Variants in SLC25A28 observed in about 807,000 individuals in gnomAD.
SLC25A28 encodes the protein mitoferrin-2.
A neutral mutation model predicts 31.9 loss-of-function variants in SLC25A28; 10 were observed. That is an observed-to-expected ratio of 0.31 (90% CI 0.19 to 0.53). SLC25A28 has a LOEUF of 0.53. Ranked by LOEUF, SLC25A28 falls within the 20% of genes least tolerant of loss-of-function variation. SLC25A28 has a pLI of 0.95. For synonymous variants in SLC25A28, 208 were observed against 203.6 expected (o/e 1.02, Z -0.19); for missense variants, 256 against 490.3 (o/e 0.52, Z 4.51).
At chr10:99,646,323 G>A in the SLC25A28 span, among the ~76,000 whole-genome samples, 154 of 152,346 alleles carry the variant, frequency 1.0e-3, no homozygotes, top group African/African-American at 3.2e-3. Flanking sequence ...TGTGCTAGCA[G>A]TGAGCAAGGC....
the SLC25A28 span, among the ~76,000 whole-genome samples, chr10:99,631,625 C>T: frequency 6.6e-6 from 1 of 152,082 alleles, no homozygotes; most frequent in South Asian, 2.1e-4. Flanking sequence ...AGCCTCATCT[C>T]TTGACTCATC....
In SLC25A28 at chr10:99,613,171, T is replaced by C. The variant is rs1235434254; in HGVS notation, c.520+525A>G. 6.6e-6 allele frequency among the ~76,000 whole-genome samples: 1 copy of C among 152,134 alleles called. No homozygotes were observed. The highest frequency in any genetic ancestry group is 1.5e-5 in the Non-Finnish European group (1 of 68,024). ...CCTTTCTCTTACTTCCACACAACCT[T>C]CTGGTTTCTTCATGCAGTTCCTTGG... On this transcript the variant is annotated intron_variant, in intron 2 of 3. Transcript: ENST00000370495. The surrounding 1 kb of genome is among the most constrained non-coding windows in gnomAD (Gnocchi z 4.9).
the SLC25A28 span, among the ~76,000 whole-genome samples, chr10:99,657,534 G>A: frequency 6.6e-6 from 1 of 152,092 alleles, no homozygotes; most frequent in African/African-American, 2.4e-5. Flanking sequence ...AATTGAAGAA[G>A]AAAGGCAAAT....
At chr10:99,619,296 C>T in intron 1 of SLC25A28, 1 of 985,298 alleles carries the variant, frequency 1.0e-6, no homozygotes, top group Non-Finnish European at 1.2e-6. Context: ...CCCTTTTTGC[C>T]AACTTCAGGT....
At chr10:99,618,330 C>A (rs1565022549) in intron 1 of SLC25A28, 1 of 984,858 alleles carries the variant, frequency 1.0e-6, no homozygotes, top group East Asian at 1.1e-4. Context: ...AATTATTACA[C>A]TGTATTTTTC....
At chr10:99,633,905 C>A in the SLC25A28 span, among the ~76,000 whole-genome samples, 2 of 152,136 alleles carry the variant, frequency 1.3e-5, no homozygotes, top group African/African-American at 4.8e-5. Flanking sequence ...CATTTCACCC[C>A]CCTGCCACCT....
the SLC25A28 span, among the ~76,000 whole-genome samples, chr10:99,646,834 C>T: frequency 2.0e-5 from 3 of 152,212 alleles, no homozygotes; most frequent in South Asian, 4.1e-4. Context: ...TACCCTCCCA[C>T]CTTCTGTAGT....
chr10:99,622,927 C>T (rs998997557), upstream of SLC25A28, among the ~76,000 whole-genome samples: 8 of 151,750 alleles, frequency 5.3e-5, no homozygotes, highest in Non-Finnish European at 1.0e-4. Flanking sequence ...TCCATGTTCT[C>T]ATGGAGCTTT....
rs746352459 is a variant in SLC25A28 at position 99,613,932 on chromosome 10, T to C, written c.292-8A>G. 6.3e-7 allele frequency: 1 copy of C among 1,593,114 alleles called. No homozygotes were observed. The highest frequency in any genetic ancestry group is 2.2e-5 in the East Asian group (1 of 44,456). On this transcript the variant is annotated splice_polypyrimidine_tract_variant and splice_region_variant and intron_variant, in intron 1 of 3. Coordinates refer to ENST00000370495, the MANE Select transcript of SLC25A28 (RefSeq NM_031212.4). The surrounding 1 kb of genome is among the most constrained non-coding windows in gnomAD (Gnocchi z 4.9). ...TAGACTCTGCATCCGGGTCTGAAAT[T>C]ACAGCAAGGAGAAGCGCAATGTCAG... is the stretch of plus-strand genomic sequence containing the variant.
intron 1 of SLC25A28, 98 bp downstream of exon 1, chr10:99,619,947 C>G: frequency 7.8e-7 from 1 of 1,279,792 alleles, no homozygotes; most frequent in Admixed American, 2.9e-5. Flanking sequence ...GGAAGGAACC[C>G]ATGTCGGCTC....
At chr10:99,622,411 G>T (rs1285943927), upstream of SLC25A28, among the ~76,000 whole-genome samples, 1 of 152,162 alleles carries the variant, frequency 6.6e-6, no homozygotes, top group Admixed American at 6.5e-5. Flanking sequence ...CTTGAGAAAT[G>T]AATAGGTCTC....
chr10:99,658,421 C>T, the SLC25A28 span, among the ~76,000 whole-genome samples: 1 of 152,204 alleles, frequency 6.6e-6, no homozygotes, highest in Non-Finnish European at 1.5e-5. Flanking sequence ...CAAATAGTCC[C>T]TGCCTTCAAG....
the SLC25A28 span, among the ~76,000 whole-genome samples, chr10:99,648,739 G>T: frequency 2.4e-5 from 2 of 82,248 alleles, no homozygotes; most frequent in Admixed American, 1.4e-4. Context: ...TTTTTGATTT[G>T]GTCATCAGCT....
At chr10:99,632,586 A>G in the SLC25A28 span, among the ~76,000 whole-genome samples, 4 of 152,234 alleles carry the variant, frequency 2.6e-5, no homozygotes, top group East Asian at 7.7e-4. Context: ...TTTTTCCTTT[A>G]TATCTGTCCA....
chr10:99,614,855 T>C (rs1432193363), intron 1 of SLC25A28, among the ~76,000 whole-genome samples: 1 of 152,170 alleles, frequency 6.6e-6, no homozygotes, highest in Non-Finnish European at 1.5e-5. Flanking sequence ...TAATAGTTAA[T>C]ATAAAATCAA....
At chr10:99,635,487 C>T in the SLC25A28 span, among the ~76,000 whole-genome samples, 2 of 151,906 alleles carry the variant, frequency 1.3e-5, no homozygotes, top group Non-Finnish European at 2.9e-5. Flanking sequence ...TGAGACCATC[C>T]TGGCTAACGT....
upstream of SLC25A28, among the ~76,000 whole-genome samples, chr10:99,622,908 C>G (rs568942388): frequency 1.3e-3 from 200 of 151,958 alleles, no homozygotes; most frequent in African/African-American, 4.3e-3. Flanking sequence ...GGATACAGGA[C>G]AGACATAGTC....
At chr10:99,618,626 C>T in intron 1 of SLC25A28, 1 of 985,332 alleles carries the variant, frequency 1.0e-6, no homozygotes, top group African/African-American at 1.7e-5. Context: ...CTATTTCTCC[C>T]AATTGACAAG....
the SLC25A28 span, among the ~76,000 whole-genome samples, chr10:99,642,866 GT>G: frequency 6.6e-6 from 1 of 152,144 alleles, no homozygotes; most frequent in African/African-American, 2.4e-5. Context: ...GCTGGATTAT[GT>G]TTATTAATTT....
Sources: allele counts gnomAD v4.1 joint callset (sites outside exome capture counted in the v4.1 genomes callset), GRCh38; gene constraint gnomAD v4.1.1; non-coding constraint Gnocchi (gnomAD v3.1); transcripts MANE v1.5; gene names NCBI Gene and HGNC (gene_info 2026-07-23, HGNC 2026-07-21).